SEC13: variants seen among roughly 807,000 people sequenced by gnomAD.
The protein encoded by SEC13 is SEC13 homolog, nuclear pore and COPII component.
A neutral mutation model predicts 49.2 loss-of-function variants in SEC13; 25 were observed. That is an observed-to-expected ratio of 0.51 (90% CI 0.37 to 0.71). The LOEUF is 0.71. SEC13 is among the 30% of genes least tolerant of loss of function. SEC13 has a pLI of 0.00. For missense variants in SEC13, 383 were observed against 417.6 expected (o/e 0.92, Z 0.72); for synonymous variants, 148 against 163.9 (o/e 0.90, Z 0.74).
chr3:10,303,710 A>G (rs752499628), intron 8 of SEC13: 3 of 424,188 alleles, frequency 7.1e-6, no homozygotes, highest in African/African-American at 2.0e-5. Context: ...CAGCTAACTG[A>G]ACATCACCAT....
chr3:10,301,252 C>T lies in SEC13; in HGVS notation c.*9G>A. The T allele has an allele frequency of 6.2e-7, 1 of 1,614,162 alleles. No homozygotes were observed. Among genetic ancestry groups the T allele is most frequent in the Non-Finnish European group, 8.5e-7 (1 of 1,180,030 alleles). On this transcript the variant is annotated 3_prime_UTR_variant, in exon 9 of 9. Transcript: ENST00000350697. The stretch of plus-strand genomic sequence containing the variant: ...CTGGCGGGTGGGGAGCCAGGCCCCA[C>T]CTGTCTTGTCACTGCTCGTTCTGCT...
chr3:10,301,742 G>C (rs764066132), intron 8 of SEC13, among the ~76,000 whole-genome samples: 2 of 152,140 alleles, frequency 1.3e-5, no homozygotes, highest in Middle Eastern at 3.2e-3. Context: ...GATTCTTGGG[G>C]CCTGGAACAA....
At chr3:10,316,794 G>T (rs1160509325) in intron 2 of SEC13, among the ~76,000 whole-genome samples, 1 of 152,094 alleles carries the variant, frequency 6.6e-6, no homozygotes, top group Non-Finnish European at 1.5e-5. Flanking sequence ...CTGAGGTCGG[G>T]AGTTCGAGAC....
intron 8 of SEC13, among the ~76,000 whole-genome samples, chr3:10,302,216 C>T (rs1386696731): frequency 1.3e-5 from 2 of 152,194 alleles, no homozygotes; most frequent in East Asian, 1.9e-4. Flanking sequence ...CCAGCCTGGA[C>T]GACAGAGCGA....
intron 8 of SEC13, chr3:10,303,747 A>G (rs1700687261): frequency 2.0e-6 from 1 of 490,668 alleles, no homozygotes; most frequent in East Asian, 3.9e-5. Context: ...TAGTAGGGTG[A>G]TGGGCCTGAC....
rs1700483061 is a variant in SEC13, at chr3:10,301,215, G to T, written c.*46C>A. Reference sequence around the variant, plus strand: ...GTCTGGTTAGTTGGCCCAGGAAGGGGCAGTCCTGGAGCTGGCGGGTGGGGA... The same window carrying T: ...GTCTGGTTAGTTGGCCCAGGAAGGGTCAGTCCTGGAGCTGGCGGGTGGGGA... On this transcript the variant is annotated 3_prime_UTR_variant, in exon 9 of 9. Transcript: ENST00000350697. 1 of 1,614,130 alleles carries T rather than the reference G, an allele frequency of 6.2e-7. No individual in the cohort carries two copies. The highest frequency in any genetic ancestry group is 1.7e-5 in the Admixed American group (1 of 60,020).
chr3:10,310,130 T>C (rs1701159813), intron 5 of SEC13, among the ~76,000 whole-genome samples: 1 of 152,174 alleles, frequency 6.6e-6, no homozygotes, highest in Non-Finnish European at 1.5e-5. Context: ...AAACCCCTCC[T>C]GGTCATTTCT....
rs1453729919 is a variant in SEC13 at position 10,305,234 on chromosome 3, C to A, written c.585-78G>T. On this transcript the variant is annotated intron_variant, in intron 6 of 8. Transcript: ENST00000350697. ...CTCCTCCCCAACCCAACAGGCTCTG[C>A]CTGGGGTGGAGAAGCGATTCCATCT... The A allele has an allele frequency of 6.6e-6, 10 of 1,513,740 alleles. No homozygotes were observed. The African/African-American group carries it at 1.4e-4, about 21-fold the overall frequency. 93.8% of individuals were successfully genotyped at this position (1,513,740 alleles called of 1,614,324 possible).
At chr3:10,307,054 T>A (rs977915106) in intron 5 of SEC13, among the ~76,000 whole-genome samples, 7 of 86,624 alleles carry the variant, frequency 8.1e-5, no homozygotes, top group African/African-American at 1.4e-4. Flanking sequence ...TTATTAACAA[T>A]TTTTTTTTTT....
intron 8 of SEC13, 42 bp from the exon 9 acceptor site, chr3:10,301,416 C>A: frequency 1.2e-6 from 2 of 1,611,930 alleles, no homozygotes; most frequent in Non-Finnish European, 1.7e-6. Context: ...GGTCTGTGCC[C>A]TTCCCTCTGC....
Position 10,301,496 on chromosome 3 carries a change from G to A in SEC13, c.856-122C>T, listed in dbSNP as rs1467833213. On this transcript the variant is annotated intron_variant, in intron 8 of 8. Transcript: ENST00000350697. ...AGAGGCTTGTGGGTGAACAGAGCAT[G>A]TCCCTCCTCCACTGAAATCTCACCA... 6 of 1,256,920 alleles carry A rather than the reference G, an allele frequency of 4.8e-6. No individual in the cohort carries two copies. In the East Asian group the frequency reaches 1.5e-4, roughly 32 times the overall value. The allele number at this position is 1,256,920 out of a possible 1,614,324, so 77.9% of individuals were successfully genotyped here. A position where few individuals can be genotyped will look rare whatever the true frequency, so the allele number is the denominator to read the frequency against.
intron 8 of SEC13, among the ~76,000 whole-genome samples, chr3:10,302,258 AAAAC>A (rs758422326): frequency 6.6e-6 from 1 of 152,148 alleles, no homozygotes; most frequent in Non-Finnish European, 1.5e-5. Context: ...ACAAAAAACA[AAAAC>A]AATCTAAACC....
chr3:10,318,088 C>G lies in SEC13; in HGVS notation c.10G>C (p.Val4Leu). MVS[V>L]INTVDTSHED... Reference sequence around the variant, plus strand: ...TGGGAGGTATCCACAGTGTTAATTACTGACACCTAGAACCAAAGATATCAC... The same window carrying G: ...TGGGAGGTATCCACAGTGTTAATTAGTGACACCTAGAACCAAAGATATCAC... Residue 4 changes from valine (V) to leucine (L), a missense_variant, in exon 2 of 9, where the codon GTA becomes CTA. By Grantham distance (32) the Val-to-Leu change is conservative. Transcript: ENST00000350697. 2 of 1,601,022 alleles carry G rather than the reference C, an allele frequency of 1.2e-6. No homozygotes were observed. The highest frequency in any genetic ancestry group is 1.7e-6 in the Non-Finnish European group (2 of 1,168,468).
chr3:10,306,252 A>G (rs1204056505), intron 5 of SEC13, among the ~76,000 whole-genome samples: 1 of 151,080 alleles, frequency 6.6e-6, no homozygotes. Flanking sequence ...TTTCCTTACA[A>G]TTTTTCTGCT....
intron 3 of SEC13, chr3:10,314,919 T>C (rs1701509013): frequency 6.1e-6 from 1 of 164,954 alleles, no homozygotes; most frequent in Non-Finnish European, 1.3e-5. Flanking sequence ...CTTTTAAAAG[T>C]AGCAGTAGCT....
At chr3:10,313,415 C>A (rs748995518) in intron 3 of SEC13, 1 of 530,162 alleles carries the variant, frequency 1.9e-6, no homozygotes, top group Non-Finnish European at 3.9e-6. Context: ...TGACTTTAGG[C>A]AAGGATATCT....
At position 10,305,740 on chromosome 3, in the gene SEC13, C is replaced by G. The variant is rs367571003; in HGVS notation, c.451-48G>C. On this transcript the variant is annotated intron_variant, in intron 5 of 8. Transcript: ENST00000350697. ...GACTCTGCCTTGCAAGAGAACACTG[C>G]TTCTGCAGACCCAAGCCTGCTGTCC... 1.9e-6 allele frequency: 3 copies of G among 1,608,604 alleles called. No homozygotes were observed. In the African/African-American group the frequency reaches 4.0e-5, roughly 21 times the overall value.
At chr3:10,307,458 C>T (rs1479037798) in intron 5 of SEC13, among the ~76,000 whole-genome samples, 1 of 151,424 alleles carries the variant, frequency 6.6e-6, no homozygotes, top group Non-Finnish European at 1.5e-5. Context: ...GGGCAGTTTA[C>T]AAAAAAAAGA....
chr3:10,314,097 C>T (rs752998727), intron 3 of SEC13: 13 of 151,852 alleles, frequency 8.6e-5, no homozygotes, highest in Non-Finnish European at 1.6e-4. Context: ...AAAGAAAATT[C>T]AATTATAAAT....
Sources: allele counts gnomAD v4.1 joint callset (sites outside exome capture counted in the v4.1 genomes callset), GRCh38; gene constraint gnomAD v4.1.1; transcripts MANE v1.5; gene names NCBI Gene and HGNC (gene_info 2026-07-23, HGNC 2026-07-21).